The following PCDH9 variants were observed in gnomAD, a reference collection of about 807,000 sequenced individuals.
PCDH9 encodes protocadherin-9.
Under a neutral mutation model 70.6 loss-of-function variants are expected in PCDH9, and 24 were observed. The ratio of observed to expected loss-of-function variants is 0.34; its 90% CI spans 0.25 to 0.48. The LOEUF is 0.48. PCDH9 is among the 20% of genes least tolerant of loss of function. PCDH9 has a pLI of 0.99. For synonymous variants in PCDH9, 562 were observed against 558.5 expected (o/e 1.01, Z -0.09); for missense variants, 1,281 against 1,503.6 (o/e 0.85, Z 2.45).
chr13:66,720,488 C>T (rs2078928555), intron 3 of PCDH9, among the ~76,000 whole-genome samples: 2 of 151,810 alleles, frequency 1.3e-5, no homozygotes, highest in Admixed American at 1.3e-4. Flanking sequence ...CATTTAAAGG[C>T]TTATCTAGTA....
intron 4 of PCDH9, among the ~76,000 whole-genome samples, chr13:66,616,828 G>A (rs9599124): frequency 0.033 from 5,021 of 152,128 alleles, 125 homozygotes; most frequent in Non-Finnish European, 0.051. Context: ...GCTGAGTTCC[G>A]CAGTTTCACC....
At position 67,225,508 on chromosome 13, in the gene PCDH9, T is replaced by C; in HGVS notation, c.2933A>G (p.Asp978Gly). ...PLDNTFVGGC[D>G]TLSKRSSTSS... ...AGTGGAAGAGCGTTTAGAAAGGGTG[T>C]CACAACCCCCAACAAAGGTGTTGTC... The change falls in exon 2 of 5, where the codon GAC becomes GGC. Residue 978 changes from aspartate to glycine, a missense_variant. Asp to Gly is a moderately conservative substitution (Grantham distance 94). Transcript: ENST00000377865. 1 of 1,614,010 alleles carries C rather than the reference T, an allele frequency of 6.2e-7. No individual in the cohort carries two copies.
rs1433599991 is a variant in PCDH9 at position 66,622,584 on chromosome 13, G to A, written c.3340+8626C>T. 3.3e-5 allele frequency among the ~76,000 whole-genome samples: 5 copies of A among 152,158 alleles called. No individual in the cohort carries two copies. The South Asian group carries it at 6.2e-4, about 19-fold the overall frequency. ...ACTCTGTATCTAGCTACTCTGGTGG[G>A]GACTTGGAGAACCTTTTGTGTGGAC... On this transcript the variant is annotated intron_variant, in intron 4 of 4. Transcript: ENST00000377865.
Position 66,931,336 on chromosome 13 carries a change from C to G in PCDH9, c.3037-27731G>C, listed in dbSNP as rs2082804520. Among the ~76,000 whole-genome samples, 2 of 152,032 alleles carry G rather than the reference C, an allele frequency of 1.3e-5. 1 individual carries two copies. The highest frequency in any genetic ancestry group is 4.2e-4 in the South Asian group (2 of 4,816). ...AAAGTATTCTCAGACTACATGGGGT[C>G]TCCTTTACAAACAATATATTAGGAA... On this transcript the variant is annotated intron_variant, in intron 2 of 4. Coordinates refer to ENST00000377865, the MANE Select transcript of PCDH9 (RefSeq NM_203487.3).
At chr13:66,704,024 C>T (rs1171025402) in intron 3 of PCDH9, among the ~76,000 whole-genome samples, 2 of 152,058 alleles carry the variant, frequency 1.3e-5, no homozygotes, top group Non-Finnish European at 2.9e-5. Flanking sequence ...TTATACATGC[C>T]GCGTGGTTCA....
chr13:66,522,336 T>C (rs1300114601), intron 4 of PCDH9, among the ~76,000 whole-genome samples: 1 of 152,010 alleles, frequency 6.6e-6, no homozygotes, highest in Non-Finnish European at 1.5e-5. Flanking sequence ...GAATCTGATA[T>C]AAACGGAAGA....
intron 3 of PCDH9, among the ~76,000 whole-genome samples, chr13:66,740,155 G>A (rs1173836987): frequency 2.1e-5 from 3 of 144,990 alleles, no homozygotes; most frequent in Non-Finnish European, 4.5e-5. Flanking sequence ...AGACCACAGT[G>A]CAATCAAACT....
intron 2 of PCDH9, chr13:67,001,894 G>A (rs1261694891): frequency 6.6e-6 from 1 of 152,182 alleles, no homozygotes; most frequent in Non-Finnish European, 1.5e-5. Context: ...GTCATGATCA[G>A]GAAGATTTTC....
chr13:66,774,059 T>C (rs573728195), intron 3 of PCDH9, among the ~76,000 whole-genome samples: 164 of 152,300 alleles, frequency 1.1e-3, no homozygotes, highest in Non-Finnish European at 1.7e-3. Flanking sequence ...ATTACAGGTA[T>C]GAGCCACCGC....
chr13:66,419,516 A>T (rs1957524153), intron 4 of PCDH9, among the ~76,000 whole-genome samples: 1 of 151,892 alleles, frequency 6.6e-6, no homozygotes, highest in Admixed American at 6.6e-5. Flanking sequence ...AAGCAGAAGC[A>T]GAGTGGGGCG....
chr13:66,378,666 T>G (rs1478907218), intron 4 of PCDH9, among the ~76,000 whole-genome samples: 3 of 152,184 alleles, frequency 2.0e-5, no homozygotes, highest in Non-Finnish European at 4.4e-5. Context: ...TTCTTGTAAA[T>G]AAGTATTCAT....
Position 66,903,515 on chromosome 13 carries a change from T to G in PCDH9, c.3127A>C (p.Ser1043Arg), listed in dbSNP as rs780419910. The change falls in exon 3 of 5, where the codon AGC becomes CGC. Residue 1043 changes from serine to arginine, a missense_variant. By Grantham distance (110) the Ser-to-Arg change is moderately radical. Transcript: ENST00000377865. ...GATATATGGCATACCTCGTAATGGC[T>G]TTCTTCATTCTCCTGAATGTGGAAA... ...TGFHIQENEE[S>R]HYESQRRVTF... 1.4e-6 allele frequency: 2 copies of G among 1,479,822 alleles called. No homozygotes were observed. Among genetic ancestry groups the G allele is most frequent in the Non-Finnish European group, 1.9e-6 (2 of 1,059,328 alleles). 91.7% of individuals were successfully genotyped at this position (1,479,822 alleles called of 1,614,324 possible).
chr13:66,849,542 A>AG (rs1205761273), intron 3 of PCDH9, among the ~76,000 whole-genome samples: 1 of 149,302 alleles, frequency 6.7e-6, no homozygotes, highest in Non-Finnish European at 1.5e-5. Flanking sequence ...AGAGAGAGAG[A>AG]GAGATTGCAA....
chr13:67,226,160 G>T lies in PCDH9; in HGVS notation c.2281C>A (p.Pro761Thr). ...LVVNISDLGYPKSLHTLVLVF... is the reference protein window; with the variant it reads ...LVVNISDLGYTKSLHTLVLVF... ...AGCACAAGCGTGTGCAAAGACTTAG[G>T]GTACCCCAGGTCACTTATGTTGACC... Residue 761 changes from proline (P) to threonine (T), a missense_variant, in exon 2 of 5, where the codon CCT becomes ACT. By Grantham distance (38) the Pro-to-Thr change is conservative. This residue lies in a region of PCDH9 where 798 missense variants were observed against 1,003.1 expected (regional missense o/e 0.80). Coordinates refer to ENST00000377865, the MANE Select transcript of PCDH9 (RefSeq NM_203487.3). This position sits in a 1 kb window ranked among gnomAD's most constrained non-coding sequence, Gnocchi z 5.0. The T allele has an allele frequency of 3.1e-6, 5 of 1,614,038 alleles. No homozygotes were observed. The highest frequency in any genetic ancestry group is 4.2e-6 in the Non-Finnish European group (5 of 1,180,000).
At chr13:67,004,218 A>G (rs1335489877) in intron 2 of PCDH9, among the ~76,000 whole-genome samples, 2 of 152,136 alleles carry the variant, frequency 1.3e-5, no homozygotes, top group African/African-American at 4.8e-5. Flanking sequence ...TGATACATTA[A>G]TTATCAGATT....
intron 3 of PCDH9, among the ~76,000 whole-genome samples, chr13:66,708,667 G>A: frequency 6.6e-6 from 1 of 152,238 alleles, no homozygotes; most frequent in East Asian, 1.9e-4. Flanking sequence ...GCAGAAACGT[G>A]GAAGATACAT....
intron 4 of PCDH9, among the ~76,000 whole-genome samples, chr13:66,484,864 A>G (rs1958912838): frequency 6.6e-6 from 1 of 152,254 alleles, no homozygotes; most frequent in Admixed American, 6.5e-5. Context: ...AAAATCAAAT[A>G]GAATAAAACA....
At chr13:67,173,138 C>T (rs1052963547) in intron 2 of PCDH9, among the ~76,000 whole-genome samples, 2 of 151,962 alleles carry the variant, frequency 1.3e-5, no homozygotes, top group African/African-American at 4.8e-5. Context: ...GAAATTTAGA[C>T]AATCTTCATT....
At chr13:66,890,087 T>A (rs1051206187) in intron 3 of PCDH9, among the ~76,000 whole-genome samples, 4 of 152,164 alleles carry the variant, frequency 2.6e-5, no homozygotes, top group Admixed American at 2.0e-4. Flanking sequence ...AGCCCGGGTA[T>A]CTGGCAATAT....
Sources: gnomAD v4.1 joint callset for allele counts (sites outside exome capture counted in the v4.1 genomes callset) on GRCh38, gnomAD v4.1.1 for gene constraint, gnomAD v4.1.1 regional missense constraint, Gnocchi (gnomAD v3.1) non-coding constraint, MANE v1.5 for transcripts, NCBI Gene and HGNC (gene_info 2026-07-23, HGNC 2026-07-21) for gene names.